DSCAM: variants seen among roughly 807,000 people sequenced by gnomAD.
DSCAM encodes the protein DS cell adhesion molecule.
DSCAM carries 47 observed loss-of-function variants against 217.7 expected under a neutral mutation model. That is an observed-to-expected ratio of 0.22 (90% CI 0.17 to 0.28). The LOEUF is 0.28. Ranked by LOEUF, DSCAM falls within the 10% of genes least tolerant of loss-of-function variation. The probability of loss-of-function intolerance (pLI) is 1.00; values close to 1 mark genes in which losing one functional copy is unlikely to be tolerated. For missense variants in DSCAM, 2,080 were observed against 2,618.3 expected (o/e 0.79, Z 4.49); for synonymous variants, 1,056 against 1,015.3 (o/e 1.04, Z -0.76).
chr21:40,485,389 C>T (rs1376882612), intron 3 of DSCAM, among the ~76,000 whole-genome samples: 20 of 151,948 alleles, frequency 1.3e-4, no homozygotes, highest in Non-Finnish European at 2.5e-4. Flanking sequence ...ACTACAGGCG[C>T]CCGCCACCGC....
intron 19 of DSCAM, among the ~76,000 whole-genome samples, chr21:40,130,057 G>A (rs1299975065): frequency 2.6e-5 from 4 of 152,184 alleles, no homozygotes; most frequent in Non-Finnish European, 4.4e-5. Context: ...AGGTGCATTA[G>A]TGATGTGTTC....
At chr21:40,487,720 T>C (rs1485234410) in intron 3 of DSCAM, among the ~76,000 whole-genome samples, 4 of 152,154 alleles carry the variant, frequency 2.6e-5, no homozygotes, top group Non-Finnish European at 4.4e-5. Flanking sequence ...GCAGTGAAGA[T>C]GGGCAGCTTC....
intron 1 of DSCAM, among the ~76,000 whole-genome samples, chr21:40,709,495 C>G (rs148740352): frequency 1.3e-4 from 20 of 152,272 alleles, no homozygotes; most frequent in African/African-American, 4.8e-4. Flanking sequence ...CCCCTAGTTC[C>G]CCAACCCCAA....
chr21:40,146,220 G>T (rs144311644), intron 16 of DSCAM, among the ~76,000 whole-genome samples: 1 of 149,572 alleles, frequency 6.7e-6, no homozygotes, highest in East Asian at 2.0e-4. Flanking sequence ...AGTATGGGTG[G>T]TCTGAAGTGG....
chr21:40,313,561 C>T (rs574547271), intron 8 of DSCAM, among the ~76,000 whole-genome samples: 3 of 152,300 alleles, frequency 2.0e-5, no homozygotes, highest in African/African-American at 4.8e-5. Flanking sequence ...CTAACTGTTA[C>T]TTGTTAGTTA....
chr21:40,130,922 A>C (rs2090148419), intron 19 of DSCAM, among the ~76,000 whole-genome samples: 1 of 140,664 alleles, frequency 7.1e-6, no homozygotes, highest in African/African-American at 2.9e-5. Flanking sequence ...AGACTGGTAC[A>C]GGACGTGTGT....
chr21:40,038,874 G>A (rs2088684116), intron 32 of DSCAM, among the ~76,000 whole-genome samples: 1 of 151,488 alleles, frequency 6.6e-6, no homozygotes, highest in African/African-American at 2.4e-5. Context: ...GTAGGGACAT[G>A]GATGAAATTG....
intron 1 of DSCAM, among the ~76,000 whole-genome samples, chr21:40,810,293 G>C (rs1243022237): frequency 6.6e-6 from 1 of 152,144 alleles, no homozygotes; most frequent in African/African-American, 2.4e-5. Context: ...AGGAGTGTGT[G>C]GTAATCTTCA....
chr21:40,334,349 C>T (rs2074407200), intron 8 of DSCAM, among the ~76,000 whole-genome samples: 1 of 152,230 alleles, frequency 6.6e-6, no homozygotes, highest in Non-Finnish European at 1.5e-5. Context: ...ACTGCATCTT[C>T]TGCTGACTCA....
chr21:40,530,892 TCC>T (rs2076439449), intron 3 of DSCAM, among the ~76,000 whole-genome samples: 41 of 81,300 alleles, frequency 5.0e-4, no homozygotes, highest in Middle Eastern at 6.2e-3. Flanking sequence ...CATCCATCCA[TCC>T]ATCCATCCAT....
At chr21:40,775,673 C>T (rs73224253) in intron 1 of DSCAM, among the ~76,000 whole-genome samples, 1 of 152,192 alleles carries the variant, frequency 6.6e-6, no homozygotes, top group African/African-American at 2.4e-5. Context: ...TAGGAACTTA[C>T]ACCAGCAGCT....
chr21:40,487,254 TCC>T (rs2076036307), intron 3 of DSCAM, among the ~76,000 whole-genome samples: 3 of 150,670 alleles, frequency 2.0e-5, no homozygotes, highest in South Asian at 2.1e-4. Context: ...TCTCTTTCTC[TCC>T]CTCTCTCTCT....
chr21:40,044,116 T>G lies in DSCAM; in HGVS notation c.5345A>C (p.Glu1782Ala). 3 of 1,614,096 alleles carry G rather than the reference T, an allele frequency of 1.9e-6. No individual in the cohort carries two copies. Among genetic ancestry groups the G allele is most frequent in the Non-Finnish European group, 2.5e-6 (3 of 1,180,032 alleles). ...GGGGCTGACGCTGTAACTGTCGCTC[T>G]CTTTGTCTACTGATCCTGCAGCCCT... ...TPRAAGSVDK[E>A]SDSYSVSPSQ... Residue 1782 changes from glutamate to alanine, a missense_variant, in exon 31 of 33, where the codon GAG becomes GCG. Coordinates refer to ENST00000400454, the MANE Select transcript of DSCAM (RefSeq NM_001389.5).
chr21:40,706,991 G>A (rs954245605), intron 2 of DSCAM, among the ~76,000 whole-genome samples: 2 of 152,292 alleles, frequency 1.3e-5, no homozygotes, highest in East Asian at 1.9e-4. Flanking sequence ...TAGCACAGAC[G>A]CCAGACAAGA....
chr21:40,038,807 C>T (rs1166925129), intron 32 of DSCAM, among the ~76,000 whole-genome samples: 1 of 150,578 alleles, frequency 6.6e-6, no homozygotes, highest in Non-Finnish European at 1.5e-5. Context: ...GAAAATGTGG[C>T]ACATATACAC....
chr21:40,762,725 C>T (rs1158803246), intron 1 of DSCAM, among the ~76,000 whole-genome samples: 1 of 152,152 alleles, frequency 6.6e-6, no homozygotes, highest in African/African-American at 2.4e-5. Context: ...AAAATACTGG[C>T]AAACCGAATC....
chr21:40,448,459 A>G lies in DSCAM; in HGVS notation c.509-79214T>C, dbSNP rs74457026. On this transcript the variant is annotated intron_variant, in intron 3 of 32. Transcript: ENST00000400454. ...CACTGGAACTTGGACTGGGAATTAT[A>G]CCACTGGGTCCCCTGGTTCTCAAAT... Among the ~76,000 whole-genome samples the G allele has an allele frequency of 1.8e-3, 278 of 152,168 alleles. 8 individuals carry two copies. The East Asian group carries it at 0.045, about 25-fold the overall frequency.
At chr21:40,267,040 A>T (rs1352033322) in intron 11 of DSCAM, among the ~76,000 whole-genome samples, 1 of 85,686 alleles carries the variant, frequency 1.2e-5, no homozygotes, top group Non-Finnish European at 2.3e-5. Flanking sequence ...GGAGGGTGGG[A>T]GGGAGGTGAG....
rs1273492344 is a variant in DSCAM at position 40,011,303 on chromosome 21, G to C, written c.*1731C>G. 1 of 152,146 alleles carries C rather than the reference G, an allele frequency of 6.6e-6. No individual in the cohort carries two copies. The highest frequency in any genetic ancestry group is 2.4e-5 in the African/African-American group (1 of 41,428). The allele number at this position is 152,146 out of a possible 1,614,324, so 9.4% of individuals were successfully genotyped here. The stretch of plus-strand genomic sequence containing the variant: ...ACCCATTCTGTGTCACTGAATCTAA[G>C]CAGACAAATGGGCCTGCCTGGAAAA... On this transcript the variant is annotated 3_prime_UTR_variant, in exon 33 of 33. Coordinates refer to ENST00000400454, the MANE Select transcript of DSCAM (RefSeq NM_001389.5).
Sources: allele counts gnomAD v4.1 joint callset (sites outside exome capture counted in the v4.1 genomes callset), GRCh38; gene constraint gnomAD v4.1.1; transcripts MANE v1.5; gene names NCBI Gene and HGNC (gene_info 2026-07-23, HGNC 2026-07-21).